PAFAH1B1: variants seen among roughly 807,000 people sequenced by gnomAD.
The protein encoded by PAFAH1B1 is platelet-activating factor acetylhydrolase IB subunit beta.
A neutral mutation model predicts 57.5 loss-of-function variants in PAFAH1B1; 2 were observed. The ratio of observed to expected loss-of-function variants is 0.03; its 90% confidence interval spans 0.01 to 0.11. The LOEUF is 0.11. Among genes scored for constraint, PAFAH1B1 ranks in the 10% least tolerant of loss-of-function variants. The pLI, the probability that PAFAH1B1 is intolerant of heterozygous loss-of-function variation, is 1.00. For synonymous variants in PAFAH1B1, 152 were observed against 169.6 expected, an observed-to-expected ratio of 0.90 and a Z score of 0.81; for missense variants, 257 against 512.0, an observed-to-expected ratio of 0.50 and a Z score of 4.81.
At position 2,676,471 on chromosome 17, in the gene PAFAH1B1, G is replaced by C. The variant is rs775686315; in HGVS notation, c.901-34G>C. 3.0e-6 allele frequency: 4 copies of C among 1,319,076 alleles called. No individual in the cohort carries two copies. In the African/African-American group the frequency reaches 5.8e-5, roughly 19 times the overall value. 81.7% of individuals were successfully genotyped at this position (1,319,076 alleles called of 1,614,324 possible). On this transcript the variant is annotated intron_variant, in intron 8 of 10. Transcript: ENST00000397195. ...TTAAAGTCCATACCTAACTTCTTGT[G>C]TGGGAAACTTAATTTTTATTATGTT...
At chr17:2,676,235 A>G (rs2069265211) in intron 8 of PAFAH1B1, 1 of 386,486 alleles carries the variant, frequency 2.6e-6, no homozygotes, top group African/African-American at 2.1e-5. Context: ...AAAATTAGCC[A>G]CATGTGGTGG....
chr17:2,645,550 A>G (rs183486382), intron 2 of PAFAH1B1, among the ~76,000 whole-genome samples: 4,034 of 149,762 alleles, frequency 0.027, 168 homozygotes, highest in African/African-American at 0.088. Context: ...CCGAGATCGC[A>G]CCACTGCACT....
intron 2 of PAFAH1B1, among the ~76,000 whole-genome samples, chr17:2,644,163 CTTT>C (rs568959536): frequency 6.9e-6 from 1 of 143,988 alleles, no homozygotes. Context: ...CTCTCTTGCT[CTTT>C]TTTTTTTTTT....
At chr17:2,663,313 A>G (rs2069046041) in intron 2 of PAFAH1B1, among the ~76,000 whole-genome samples, 3 of 152,266 alleles carry the variant, frequency 2.0e-5, no homozygotes, top group Admixed American at 2.0e-4. Flanking sequence ...TAGGTCAACA[A>G]CTGAGATTAG....
chr17:2,644,372 T>C (rs1254944794), intron 2 of PAFAH1B1, among the ~76,000 whole-genome samples: 1 of 152,018 alleles, frequency 6.6e-6, no homozygotes, highest in South Asian at 2.1e-4. Context: ...TGAAACCCCA[T>C]CTCTACTAAA....
At chr17:2,677,785 C>T (rs138819430) in intron 9 of PAFAH1B1, among the ~76,000 whole-genome samples, 1,644 of 151,600 alleles carry the variant, frequency 0.011, 28 homozygotes, top group African/African-American at 0.038. Flanking sequence ...ACCCGGGAGG[C>T]GGAGCTTGCA....
intron 2 of PAFAH1B1, among the ~76,000 whole-genome samples, chr17:2,651,478 G>A (rs2068848817): frequency 6.6e-6 from 1 of 151,308 alleles, no homozygotes; most frequent in Non-Finnish European, 1.5e-5. Context: ...CAGCTACTTT[G>A]GGAGGCTGAG....
intron 5 of PAFAH1B1, among the ~76,000 whole-genome samples, chr17:2,669,394 C>G (rs2069149980): frequency 6.6e-6 from 1 of 151,596 alleles, no homozygotes; most frequent in African/African-American, 2.4e-5. Context: ...CCCGAGTAGC[C>G]GGGAGTACAG....
At chr17:2,652,510 T>G (rs2151646375) in intron 2 of PAFAH1B1, among the ~76,000 whole-genome samples, 1 of 152,370 alleles carries the variant, frequency 6.6e-6, no homozygotes, top group Non-Finnish European at 1.5e-5. Flanking sequence ...CTTTATTGCT[T>G]TAAAAAACTG....
At chr17:2,630,307 A>G (rs1481386807) in intron 1 of PAFAH1B1, among the ~76,000 whole-genome samples, 1 of 152,102 alleles carries the variant, frequency 6.6e-6, no homozygotes, top group Non-Finnish European at 1.5e-5. Flanking sequence ...TGGCTTGGTA[A>G]TGGTGAATTC....
chr17:2,676,125 G>A (rs1052331261), intron 8 of PAFAH1B1, among the ~76,000 whole-genome samples: 1 of 152,236 alleles, frequency 6.6e-6, no homozygotes, highest in Non-Finnish European at 1.5e-5. Flanking sequence ...TGTAATTCCA[G>A]CACTTTGGGA....
At chr17:2,662,861 A>C (rs1308231117) in intron 2 of PAFAH1B1, among the ~76,000 whole-genome samples, 1 of 152,184 alleles carries the variant, frequency 6.6e-6, no homozygotes, top group African/African-American at 2.4e-5. Flanking sequence ...CTGTAATCCC[A>C]ACACTTTGGG....
intron 9 of PAFAH1B1, among the ~76,000 whole-genome samples, chr17:2,678,530 C>T (rs1401823343): frequency 6.6e-6 from 1 of 151,842 alleles, no homozygotes; most frequent in Non-Finnish European, 1.5e-5. Flanking sequence ...CGCACCATTG[C>T]CCTCCATCCT....
At chr17:2,593,572 C>T (rs1361349145), upstream of PAFAH1B1, among the ~76,000 whole-genome samples, 4 of 150,016 alleles carry the variant, frequency 2.7e-5, no homozygotes, top group Non-Finnish European at 6.0e-5. Context: ...CCGCCCCTCC[C>T]TCTTCCTGGC....
At position 2,647,370 on chromosome 17, in the gene PAFAH1B1, AT is replaced by A. The variant is rs539442092; in HGVS notation, c.32+9051del. ...GACAGAGTGAGACTGTCTCAGAAAA[AT>A]AAAAATACAAAAATTAGCTGGGCAT... On this transcript the variant is annotated intron_variant, in intron 2 of 10. Coordinates refer to ENST00000397195, the MANE Select transcript of PAFAH1B1 (RefSeq NM_000430.4). Among the ~76,000 whole-genome samples, 822 of 152,020 alleles carry A rather than the reference AT, an allele frequency of 5.4e-3. 6 individuals carry two copies. Among genetic ancestry groups the A allele is most frequent in the South Asian group, 0.016 (79 of 4,810 alleles).
intron 4 of PAFAH1B1, among the ~76,000 whole-genome samples, chr17:2,666,366 T>TACCG (rs2069106841): frequency 1.3e-5 from 2 of 152,168 alleles, no homozygotes; most frequent in Admixed American, 6.6e-5. Flanking sequence ...AAGGAAAGAA[T>TACCG]ACATGGAGCC....
intron 9 of PAFAH1B1, among the ~76,000 whole-genome samples, chr17:2,679,457 A>C (rs1184957994): frequency 4.0e-5 from 2 of 50,036 alleles, no homozygotes; most frequent in Non-Finnish European, 8.6e-5. Context: ...TAGATGGATG[A>C]TTGGATGGAT....
At chr17:2,640,480 C>A (rs1330479016) in intron 2 of PAFAH1B1, 1 of 146,252 alleles carries the variant, frequency 6.8e-6, no homozygotes, top group Non-Finnish European at 1.5e-5. Flanking sequence ...GAGACAGAGC[C>A]TCGCACTGTC....
intron 2 of PAFAH1B1, 118 bp from the exon 3 acceptor site, chr17:2,665,254 G>C (rs1472028086): frequency 1.4e-6 from 1 of 695,450 alleles, no homozygotes; most frequent in African/African-American, 1.8e-5. Context: ...TGTATGATTT[G>C]AAAGGGAATA....
Sources: allele counts gnomAD v4.1 joint callset (sites outside exome capture counted in the v4.1 genomes callset), GRCh38; gene constraint gnomAD v4.1.1; transcripts MANE v1.5; gene names NCBI Gene and HGNC (gene_info 2026-07-23, HGNC 2026-07-21).